PPP1R14C: variants seen among roughly 807,000 people sequenced by gnomAD.
PPP1R14C encodes the protein protein phosphatase 1 regulatory inhibitor subunit 14C.
PPP1R14C carries 16 observed loss-of-function variants against 20.4 expected under a neutral mutation model. That is an observed-to-expected ratio of 0.78 (90% CI 0.53 to 1.19). The LOEUF (loss-of-function observed/expected upper bound fraction) is 1.19. Ranked by LOEUF, PPP1R14C falls within the 50% of genes most tolerant of loss-of-function variation. The probability of loss-of-function intolerance (pLI) is 0.00; values close to 1 mark genes in which losing one functional copy is unlikely to be tolerated. For synonymous variants in PPP1R14C, 91 were observed against 91.0 expected (o/e 1.00, Z 0.00); for missense variants, 211 against 220.1 (o/e 0.96, Z 0.26).
chr6:150,236,625 G>C (rs986751766), intron 3 of PPP1R14C, among the ~76,000 whole-genome samples: 4 of 151,218 alleles, frequency 2.6e-5, no homozygotes, highest in African/African-American at 7.3e-5. Flanking sequence ...GTGTGTGTGT[G>C]TGTGTGTGTG....
At chr6:150,153,028 C>T (rs1308128838) in intron 1 of PPP1R14C, among the ~76,000 whole-genome samples, 3 of 152,196 alleles carry the variant, frequency 2.0e-5, no homozygotes, top group African/African-American at 7.2e-5. Flanking sequence ...AAGGGCACAG[C>T]GTGAAAGCAC....
At chr6:150,179,921 GC>G (rs1279120645) in intron 1 of PPP1R14C, among the ~76,000 whole-genome samples, 5 of 152,160 alleles carry the variant, frequency 3.3e-5, no homozygotes, top group African/African-American at 1.2e-4. Flanking sequence ...ACTGAGATGG[GC>G]CAGGCACGGT....
chr6:150,213,258 G>T (rs986528390), intron 1 of PPP1R14C, among the ~76,000 whole-genome samples: 2 of 151,900 alleles, frequency 1.3e-5, no homozygotes, highest in Non-Finnish European at 2.9e-5. Context: ...GCCCATTGAG[G>T]GCCTGTTCTT....
intron 1 of PPP1R14C, among the ~76,000 whole-genome samples, chr6:150,162,061 C>CTTT (rs35656436): frequency 2.8e-5 from 4 of 143,538 alleles, no homozygotes; most frequent in Non-Finnish European, 4.5e-5. Flanking sequence ...TTTCTTTTTT[C>CTTT]TTTTTTTTTT....
intron 1 of PPP1R14C, among the ~76,000 whole-genome samples, chr6:150,212,217 G>T (rs1379210322): frequency 6.6e-6 from 1 of 152,252 alleles, no homozygotes; most frequent in Admixed American, 6.5e-5. Flanking sequence ...CAGCACAGTA[G>T]CCACTTGCCT....
chr6:150,229,598 C>T (rs774688020), intron 3 of PPP1R14C, among the ~76,000 whole-genome samples: 2 of 152,046 alleles, frequency 1.3e-5, no homozygotes, highest in Non-Finnish European at 2.9e-5. Flanking sequence ...AATGGGACTT[C>T]GCTCACAGTG....
intron 1 of PPP1R14C, among the ~76,000 whole-genome samples, chr6:150,204,680 G>C (rs931611027): frequency 6.6e-6 from 1 of 152,152 alleles, no homozygotes; most frequent in African/African-American, 2.4e-5. Flanking sequence ...TAAGGGTTAG[G>C]GGATGCGTTA....
In PPP1R14C at chr6:150,249,587, T is replaced by A. The variant is rs1212386932; in HGVS notation, c.*767T>A. The A allele has an allele frequency of 5.0e-6, 2 of 398,522 alleles. No individual in the cohort carries two copies. The highest frequency in any genetic ancestry group is 8.8e-6 in the Non-Finnish European group (2 of 226,076). The allele number at this position is 398,522 out of a possible 1,614,324, so 24.7% of individuals were successfully genotyped here. ...TAGTCTTTTAAAGTTGTATGAACCC[T>A]TAATTTGAAGAACTAACTTGATTTC... On this transcript the variant is annotated 3_prime_UTR_variant, in exon 4 of 4. Coordinates refer to ENST00000361131, the MANE Select transcript of PPP1R14C (RefSeq NM_030949.3).
At chr6:150,194,101 C>A (rs114954778) in intron 1 of PPP1R14C, among the ~76,000 whole-genome samples, 2,164 of 152,276 alleles carry the variant, frequency 0.014, 43 homozygotes, top group African/African-American at 0.042. Context: ...GCCATGAAAG[C>A]AGTGCCTTCC....
At chr6:150,186,656 G>T (rs1402856415) in intron 1 of PPP1R14C, among the ~76,000 whole-genome samples, 1 of 151,994 alleles carries the variant, frequency 6.6e-6, no homozygotes, top group Admixed American at 6.6e-5. Flanking sequence ...CCAACCAACA[G>T]TGTTTGCTAG....
At chr6:150,160,306 C>G (rs1240689219) in intron 1 of PPP1R14C, among the ~76,000 whole-genome samples, 5 of 142,876 alleles carry the variant, frequency 3.5e-5, no homozygotes, top group Non-Finnish European at 7.5e-5. Flanking sequence ...GCTCTGTCGC[C>G]CAGGCTGGAG....
At chr6:150,209,473 G>A (rs1387027318) in intron 1 of PPP1R14C, among the ~76,000 whole-genome samples, 1 of 152,140 alleles carries the variant, frequency 6.6e-6, no homozygotes, top group Non-Finnish European at 1.5e-5. Context: ...TATGAGTGGT[G>A]TGGAATGGGT....
intron 3 of PPP1R14C, among the ~76,000 whole-genome samples, chr6:150,236,539 C>A (rs745325584): frequency 1.3e-4 from 19 of 150,250 alleles, no homozygotes; most frequent in African/African-American, 4.5e-4. Context: ...AGTGTGACAG[C>A]GGCCACATCC....
chr6:150,234,531 C>T (rs938796530), intron 3 of PPP1R14C, among the ~76,000 whole-genome samples: 3 of 152,160 alleles, frequency 2.0e-5, no homozygotes, highest in African/African-American at 7.2e-5. Context: ...TCTAGCTATA[C>T]AGTAGAGTAC....
rs192779758 is a variant in PPP1R14C, at chr6:150,169,146, G to C, written c.306+25648G>C. ...CCCATCGTGGCCTCCCAAAGTGCTG[G>C]GATTACAGGCGTGAGCCACCGTGCC... is the stretch of plus-strand genomic sequence containing the variant. On this transcript the variant is annotated intron_variant, in intron 1 of 3. Transcript: ENST00000361131. Among the ~76,000 whole-genome samples, 6 of 152,214 alleles carry C rather than the reference G, an allele frequency of 3.9e-5. No homozygotes were observed. The East Asian group carries it at 1.2e-3, about 29-fold the overall frequency.
chr6:150,183,052 T>C (rs1405101632), intron 1 of PPP1R14C, among the ~76,000 whole-genome samples: 1 of 152,272 alleles, frequency 6.6e-6, no homozygotes, highest in Non-Finnish European at 1.5e-5. Flanking sequence ...TGTGGTCCAC[T>C]GTTGGTGGAA....
chr6:150,230,600 A>G (rs1297217571), intron 3 of PPP1R14C, among the ~76,000 whole-genome samples: 2 of 152,116 alleles, frequency 1.3e-5, no homozygotes, highest in Admixed American at 6.5e-5. Flanking sequence ...CTGGGTGAGC[A>G]TCCGCAGTTC....
At chr6:150,171,345 A>G (rs760812508) in intron 1 of PPP1R14C, among the ~76,000 whole-genome samples, 5 of 152,158 alleles carry the variant, frequency 3.3e-5, no homozygotes, top group Non-Finnish European at 7.4e-5. Context: ...TACATACCTA[A>G]TATCTTATAG....
chr6:150,248,922 TTTTTG>T lies in PPP1R14C; in HGVS notation c.*107_*111del. ...AGAATAGGTGTCCTTATGAACAACG[TTTTTG>T]TTTTTTTTTTTTTCTTTTTTGGTGT... On this transcript the variant is annotated 3_prime_UTR_variant, in exon 4 of 4. Coordinates refer to ENST00000361131, the MANE Select transcript of PPP1R14C (RefSeq NM_030949.3). 3.3e-6 allele frequency: 2 copies of T among 598,664 alleles called. No homozygotes were observed. Among genetic ancestry groups the T allele is most frequent in the Non-Finnish European group, 5.5e-6 (2 of 361,958 alleles). 37.1% of individuals were successfully genotyped at this position (598,664 alleles called of 1,614,324 possible).
Sources: gnomAD v4.1 joint callset for allele counts (sites outside exome capture counted in the v4.1 genomes callset) on GRCh38, gnomAD v4.1.1 for gene constraint, MANE v1.5 for transcripts, NCBI Gene and HGNC (gene_info 2026-07-23, HGNC 2026-07-21) for gene names.